The following KDM4C variants were observed in gnomAD, a reference collection of about 807,000 sequenced individuals.
KDM4C encodes lysine-specific demethylase 4C.
Under a neutral mutation model 129.3 loss-of-function variants are expected in KDM4C, and 81 were observed. That is an observed-to-expected ratio of 0.63 (90% CI 0.52 to 0.75). The LOEUF is 0.75. Ranked by LOEUF, KDM4C falls within the 30% of genes least tolerant of loss-of-function variation. KDM4C has a pLI of 0.00. For synonymous variants in KDM4C, 573 were observed against 456.1 expected (o/e 1.26, Z -3.26); for missense variants, 1,457 against 1,304.0 (o/e 1.12, Z -1.81).
At position 6,739,165 on chromosome 9, in the gene KDM4C, T is replaced by C. The variant is rs147837276; in HGVS notation, c.49+18168T>C. Among the ~76,000 whole-genome samples, 1,445 of 152,216 alleles carry C rather than the reference T, an allele frequency of 9.5e-3. 20 individuals carry two copies. Among genetic ancestry groups the C allele is most frequent in the African/African-American group, 0.033 (1,375 of 41,546 alleles). The stretch of plus-strand genomic sequence containing the variant: ...TCTGCTCACTGCAACCTCTGCCTCC[T>C]GGGTTCAAGCGATTCTTGTGCCTCA... On this transcript the variant is annotated intron_variant, in intron 1 of 17. Coordinates refer to the KDM4C transcript ENST00000536108.
chr9:7,033,216 C>T lies in KDM4C; in HGVS notation c.2260-13646C>T, dbSNP rs868611797. On this transcript the variant is annotated intron_variant, in intron 15 of 21. Coordinates refer to ENST00000381309, the MANE Select transcript of KDM4C (RefSeq NM_015061.6). The stretch of plus-strand genomic sequence containing the variant: ...ATGAGAGGCTGTCAGCCTGCAAGGC[C>T]GACTTTGATCTTTATACAAAGTAAA... 1.4e-4 allele frequency among the ~76,000 whole-genome samples: 21 copies of T among 151,798 alleles called. No homozygotes were observed. In the Middle Eastern group the frequency reaches 0.01, roughly 74 times the overall value.
At chr9:6,860,520 A>G (rs1840730541) in intron 5 of KDM4C, among the ~76,000 whole-genome samples, 1 of 152,196 alleles carries the variant, frequency 6.6e-6, no homozygotes, top group Non-Finnish European at 1.5e-5. Context: ...TACTAGGCTT[A>G]ATACCTGGGT....
chr9:6,997,911 TA>T (rs1820059431), intron 12 of KDM4C, among the ~76,000 whole-genome samples: 1 of 152,220 alleles, frequency 6.6e-6, no homozygotes, highest in Non-Finnish European at 1.5e-5. Context: ...TTTTCTAGAA[TA>T]ATCAACACAG....
chr9:6,757,661 C>T (rs1250580526), upstream of KDM4C: 1 of 985,526 alleles, frequency 1.0e-6, no homozygotes, highest in South Asian at 4.7e-5. Context: ...CGCGTCGGCG[C>T]CCAGGAGGAC....
At chr9:6,890,835 C>A (rs938781085) in intron 7 of KDM4C, among the ~76,000 whole-genome samples, 7 of 152,150 alleles carry the variant, frequency 4.6e-5, no homozygotes, top group African/African-American at 1.7e-4. Flanking sequence ...TAATTAGATT[C>A]AGTGAGACCA....
At chr9:6,860,839 T>C (rs1396368212) in intron 5 of KDM4C, among the ~76,000 whole-genome samples, 1 of 152,226 alleles carries the variant, frequency 6.6e-6, no homozygotes. Flanking sequence ...AGAATACTTT[T>C]TTGAGATTGT....
intron 17 of KDM4C, among the ~76,000 whole-genome samples, chr9:7,071,822 T>A (rs2132823089): frequency 6.6e-6 from 1 of 152,200 alleles, no homozygotes; most frequent in Admixed American, 6.5e-5. Context: ...ACTTTTTGAG[T>A]CTACGGCCAT....
At position 6,837,057 on chromosome 9, in the gene KDM4C, A is replaced by G. The variant is rs180740724; in HGVS notation, c.436-12450A>G. Among the ~76,000 whole-genome samples, 130 of 152,098 alleles carry G rather than the reference A, an allele frequency of 8.5e-4. 1 individual carries two copies. Among genetic ancestry groups the G allele is most frequent in the African/African-American group, 3.0e-3 (124 of 41,508 alleles). On this transcript the variant is annotated intron_variant, in intron 4 of 21. Transcript: ENST00000381309. ...TCACTTTATATTCCTTTAGCACTGT[A>G]TATCATTTTTGTTTTTTTAAGACAG...
chr9:6,893,185 A>G lies in KDM4C; in HGVS notation c.874A>G (p.Asn292Asp). 6.2e-7 allele frequency: 1 copy of G among 1,611,420 alleles called. No homozygotes were observed. ...NHGFNCAEST[N>D]FATVRWIDYG... ...TGGTTTCAACTGTGCAGAATCTACA[A>G]ATTTTGCTACTGTCAGATGGATTGA... The change falls in exon 8 of 22, where the codon AAT becomes GAT. Residue 292 changes from asparagine (N) to aspartate (D), a missense_variant. Physicochemically the swap from Asn to Asp is conservative, Grantham distance 23. Transcript: ENST00000381309.
At chr9:6,875,904 A>G (rs866388019) in intron 5 of KDM4C, among the ~76,000 whole-genome samples, 93 of 152,218 alleles carry the variant, frequency 6.1e-4, no homozygotes, top group African/African-American at 2.1e-3. Context: ...CACATCTATT[A>G]TAAAGGAAAA....
chr9:6,996,068 A>C (rs1024973011), intron 12 of KDM4C, among the ~76,000 whole-genome samples: 1 of 152,220 alleles, frequency 6.6e-6, no homozygotes, highest in African/African-American at 2.4e-5. Context: ...TAGTCTAACC[A>C]TCACCTGAAT....
chr9:6,824,970 C>T (rs1344909075), intron 4 of KDM4C, among the ~76,000 whole-genome samples: 1 of 151,702 alleles, frequency 6.6e-6, no homozygotes. Flanking sequence ...ATGGTGAAAC[C>T]CCATCTCTAC....
intron 1 of KDM4C, among the ~76,000 whole-genome samples, chr9:6,751,289 T>C (rs1187134333): frequency 1.3e-5 from 2 of 151,886 alleles, no homozygotes. Flanking sequence ...CTACAAAAAA[T>C]ACAAAAATTA....
chr9:6,926,811 G>A (rs1822653754), intron 8 of KDM4C, among the ~76,000 whole-genome samples: 1 of 152,156 alleles, frequency 6.6e-6, no homozygotes, highest in Middle Eastern at 3.2e-3. Context: ...CATATTATGG[G>A]GACTTATGGC....
chr9:6,990,555 T>TG (rs1305879104), intron 12 of KDM4C, 31 bp downstream of exon 12: 2 of 1,449,702 alleles, frequency 1.4e-6, no homozygotes, highest in African/African-American at 1.4e-5. Flanking sequence ...GGGATTTTTT[T>TG]TTTTTTTTTT....
Position 6,737,037 on chromosome 9 carries a change from C to T in KDM4C, c.49+16040C>T, listed in dbSNP as rs1329338160. On this transcript the variant is annotated intron_variant, in intron 1 of 17. Coordinates refer to the KDM4C transcript ENST00000536108. Reference sequence around the variant, plus strand: ...CTACATTCCAGACTGGGCGACACAGCGAGATTCTGTCTCAAAAAAAAAAAA... The same window carrying T: ...CTACATTCCAGACTGGGCGACACAGTGAGATTCTGTCTCAAAAAAAAAAAA... Among the ~76,000 whole-genome samples, 4 of 121,146 alleles carry T rather than the reference C, an allele frequency of 3.3e-5. No homozygotes were observed. In the South Asian group the frequency reaches 7.8e-4, roughly 24 times the overall value. The allele number at this position is 121,146 out of a possible 152,430, so 79.5% of individuals were successfully genotyped here. A position where few individuals can be genotyped will look rare whatever the true frequency, so the allele number is the denominator to read the frequency against.
chr9:6,850,340 T>C (rs760627102), intron 5 of KDM4C, among the ~76,000 whole-genome samples: 1 of 152,252 alleles, frequency 6.6e-6, no homozygotes, highest in Non-Finnish European at 1.5e-5. Flanking sequence ...TGAGCATTTG[T>C]TGGATGGTAT....
chr9:6,849,999 T>C (rs1168064294), intron 5 of KDM4C, among the ~76,000 whole-genome samples: 1 of 152,222 alleles, frequency 6.6e-6, no homozygotes, highest in East Asian at 1.9e-4. Context: ...TTTTTCCATG[T>C]TTAGATATGT....
intron 11 of KDM4C, among the ~76,000 whole-genome samples, chr9:6,988,060 T>G (rs1436146845): frequency 6.9e-6 from 1 of 144,732 alleles, no homozygotes; most frequent in Non-Finnish European, 1.5e-5. Flanking sequence ...GAGGCTAAGG[T>G]AGGAGGATCA....
Sources: gnomAD v4.1 joint callset for allele counts (sites outside exome capture counted in the v4.1 genomes callset) on GRCh38, gnomAD v4.1.1 for gene constraint, MANE v1.5 for transcripts, NCBI Gene and HGNC (gene_info 2026-07-23, HGNC 2026-07-21) for gene names.